Variants in FARS2 observed in about 807,000 individuals in gnomAD.
FARS2 encodes the protein phenylalanyl-tRNA synthetase 2, mitochondrial.
A neutral mutation model predicts 46.4 loss-of-function variants in FARS2; 40 were observed. The ratio of observed to expected loss-of-function variants is 0.86; its 90% CI spans 0.67 to 1.12. The LOEUF is 1.12. Among genes scored for constraint, FARS2 ranks in the 50% most tolerant of loss-of-function variants. The pLI is 0.00. For missense variants in FARS2, 513 were observed against 567.9 expected (o/e 0.90, Z 0.98); for synonymous variants, 234 against 214.9 (o/e 1.09, Z -0.78).
At chr6:5,405,276 T>C (rs1415374540) in intron 3 of FARS2, among the ~76,000 whole-genome samples, 5 of 152,138 alleles carry the variant, frequency 3.3e-5, no homozygotes, top group Non-Finnish European at 7.3e-5. Context: ...AAAATCTTAA[T>C]GAGTTCAGGT....
intron 2 of FARS2, among the ~76,000 whole-genome samples, chr6:5,385,965 G>C (rs1032395228): frequency 1.3e-5 from 2 of 152,076 alleles, no homozygotes; most frequent in African/African-American, 2.4e-5. Context: ...CTTTGTGTTT[G>C]GATGCCACAC....
rs747621133 is a variant in FARS2 at position 5,527,946 on chromosome 6, TG to T, written c.905-17229del. ...AAGGATGAAAGACATAATGCTGTAC[TG>T]GGGGCTAGTCAAAGGGAGATGTAGG... On this transcript the variant is annotated intron_variant, in intron 4 of 6. Coordinates refer to ENST00000274680, the MANE Select transcript of FARS2 (RefSeq NM_006567.5). Among the ~76,000 whole-genome samples, 41 of 152,334 alleles carry T rather than the reference TG, an allele frequency of 2.7e-4. 1 individual carries two copies. The highest frequency in any genetic ancestry group is 5.1e-4 in the Non-Finnish European group (35 of 68,024).
At chr6:5,710,161 C>T (rs559365279) in intron 6 of FARS2, among the ~76,000 whole-genome samples, 9 of 152,284 alleles carry the variant, frequency 5.9e-5, no homozygotes, top group Non-Finnish European at 1.2e-4. Flanking sequence ...GCCTCTCAGT[C>T]TAATGCATTC....
rs555829181 is a variant in FARS2, at chr6:5,541,936, A to G, written c.905-3244A>G. 2.0e-5 allele frequency among the ~76,000 whole-genome samples: 3 copies of G among 152,274 alleles called. No homozygotes were observed. The South Asian group carries it at 6.2e-4, about 32-fold the overall frequency. ...AGGGTTCCTCCCCCTTTTAGAGTAT[A>G]TAGGGTAGTTTCCAGACATTACCAT... On this transcript the variant is annotated intron_variant, in intron 4 of 6. Coordinates refer to ENST00000274680, the MANE Select transcript of FARS2 (RefSeq NM_006567.5).
At position 5,535,558 on chromosome 6, in the gene FARS2, T is replaced by TG. The variant is rs1352552362; in HGVS notation, c.905-9621dup. The stretch of plus-strand genomic sequence containing the variant: ...TTAGTGCTATACTGACTAGTAGCGG[T>TG]GACTGTGAGCATCTTTGTCTTGTTC... On this transcript the variant is annotated intron_variant, in intron 4 of 6. Coordinates refer to ENST00000274680, the MANE Select transcript of FARS2 (RefSeq NM_006567.5). Among the ~76,000 whole-genome samples the TG allele has an allele frequency of 2.0e-5, 3 of 152,236 alleles. No individual in the cohort carries two copies. In the East Asian group the frequency reaches 5.8e-4, roughly 29 times the overall value.
At position 5,545,647 on chromosome 6, in the gene FARS2, C is replaced by G. The variant is rs542296133; in HGVS notation, c.1065+307C>G. On this transcript the variant is annotated intron_variant, in intron 5 of 6. Coordinates refer to ENST00000274680, the MANE Select transcript of FARS2 (RefSeq NM_006567.5). Reference sequence around the variant, plus strand: ...GCAACAGGCCCCGGTGTGTGATGTTCCCCTCCCTGTGTCCATGTGTTCTCA... The same window carrying G: ...GCAACAGGCCCCGGTGTGTGATGTTGCCCTCCCTGTGTCCATGTGTTCTCA... Among the ~76,000 whole-genome samples the G allele has an allele frequency of 3.3e-5, 5 of 152,132 alleles. No homozygotes were observed. The East Asian group carries it at 9.7e-4, about 29-fold the overall frequency.
At chr6:5,316,230 A>G (rs1171780569) in intron 1 of FARS2, among the ~76,000 whole-genome samples, 1 of 152,264 alleles carries the variant, frequency 6.6e-6, no homozygotes, top group East Asian at 1.9e-4. Flanking sequence ...AAATGCTTGT[A>G]TGTGGGGAGT....
chr6:5,548,056 A>C (rs994539021), intron 5 of FARS2, among the ~76,000 whole-genome samples: 1 of 152,354 alleles, frequency 6.6e-6, no homozygotes, highest in East Asian at 1.9e-4. Context: ...CACTTCTTAC[A>C]TGGCAGCAGC....
At chr6:5,673,139 C>T (rs766739392) in intron 6 of FARS2, among the ~76,000 whole-genome samples, 17 of 152,184 alleles carry the variant, frequency 1.1e-4, no homozygotes, top group Admixed American at 7.2e-4. Flanking sequence ...ATAGAATATG[C>T]GGTCCCTACC....
At chr6:5,422,479 A>C (rs2127752485) in intron 3 of FARS2, among the ~76,000 whole-genome samples, 1 of 151,992 alleles carries the variant, frequency 6.6e-6, no homozygotes, top group East Asian at 1.9e-4. Context: ...TTGGAAGCTG[A>C]GTTAATGTGG....
chr6:5,486,244 G>T (rs1766768564), intron 4 of FARS2, among the ~76,000 whole-genome samples: 1 of 152,014 alleles, frequency 6.6e-6, no homozygotes, highest in South Asian at 2.1e-4. Context: ...TTTTATATTT[G>T]GAAAAGGGAT....
intron 1 of FARS2, among the ~76,000 whole-genome samples, chr6:5,286,053 A>T (rs1767088873): frequency 6.6e-6 from 1 of 152,072 alleles, no homozygotes; most frequent in Non-Finnish European, 1.5e-5. Context: ...CTCTTTCTCC[A>T]GGATAAAGGT....
chr6:5,273,904 T>C (rs2127834151), intron 1 of FARS2, among the ~76,000 whole-genome samples: 1 of 152,300 alleles, frequency 6.6e-6, no homozygotes, highest in South Asian at 2.1e-4. Flanking sequence ...TTTTTCCCCA[T>C]TGTATGTTCT....
Position 5,756,761 on chromosome 6 carries a change from C to A in FARS2, c.1218-14530C>A, listed in dbSNP as rs555459595. Among the ~76,000 whole-genome samples the A allele has an allele frequency of 6.6e-5, 10 of 152,278 alleles. No homozygotes were observed. The East Asian group carries it at 1.9e-3, about 29-fold the overall frequency. ...ATCTTTAGTTTATCTTATTCTGCAT[C>A]ACTCTAGAACTTTCTAAGTCATACT... is the stretch of plus-strand genomic sequence containing the variant. On this transcript the variant is annotated intron_variant, in intron 6 of 6. Transcript: ENST00000274680.
At chr6:5,495,229 T>C (rs1020343140) in intron 4 of FARS2, among the ~76,000 whole-genome samples, 12 of 152,264 alleles carry the variant, frequency 7.9e-5, no homozygotes, top group Admixed American at 2.0e-4. Flanking sequence ...TGCACATTTT[T>C]GCTTTTGAGC....
intron 6 of FARS2, among the ~76,000 whole-genome samples, chr6:5,614,330 T>C (rs1253074970): frequency 6.6e-6 from 1 of 152,110 alleles, no homozygotes; most frequent in Non-Finnish European, 1.5e-5. Flanking sequence ...TTGTTCCAGG[T>C]GTGTCATATC....
In FARS2 at chr6:5,471,519, G is replaced by C. The variant is rs1055617382; in HGVS notation, c.904+40347G>C. Among the ~76,000 whole-genome samples the C allele has an allele frequency of 1.3e-5, 2 of 152,170 alleles. No individual in the cohort carries two copies. The highest frequency in any genetic ancestry group is 4.8e-5 in the African/African-American group (2 of 41,436). On this transcript the variant is annotated intron_variant, in intron 4 of 6. Transcript: ENST00000274680. The surrounding 1 kb of genome is among the most constrained non-coding windows in gnomAD (Gnocchi z 4.1). ...TGAAGGACATATGAGATTTTTGCTT[G>C]AAGTAAATGTTACCAGCAACACTGT...
chr6:5,358,488 T>A (rs1466611885), intron 1 of FARS2, among the ~76,000 whole-genome samples: 1 of 152,164 alleles, frequency 6.6e-6, no homozygotes, highest in African/African-American at 2.4e-5. Flanking sequence ...ATTTTGATAT[T>A]TTTGTGTAAG....
intron 4 of FARS2, among the ~76,000 whole-genome samples, chr6:5,476,533 G>GATGAATGA (rs70975911): frequency 0.053 from 8,044 of 151,384 alleles, 489 homozygotes; most frequent in African/African-American, 0.15. Context: ...ATAGTTATTG[G>GATGAATGA]ATGAATGAAT....
Sources: allele counts gnomAD v4.1 joint callset (sites outside exome capture counted in the v4.1 genomes callset), GRCh38; gene constraint gnomAD v4.1.1; non-coding constraint Gnocchi (gnomAD v3.1); transcripts MANE v1.5; gene names NCBI Gene and HGNC (gene_info 2026-07-23, HGNC 2026-07-21).